Variants in DLX5 observed in about 807,000 individuals in gnomAD.
DLX5 encodes the protein homeobox protein DLX-5.
In DLX5, 8 loss-of-function variants were observed where a neutral mutation model predicts 27.1. The observed-to-expected ratio is 0.30, with a 90% CI of 0.17 to 0.53. The LOEUF is 0.53. Ranked by LOEUF, DLX5 falls within the 20% of genes least tolerant of loss-of-function variation. The pLI is 0.95. For missense variants in DLX5, 339 were observed against 375.1 expected, an observed-to-expected ratio of 0.90 and a Z score of 0.80; for synonymous variants, 178 against 161.9, an observed-to-expected ratio of 1.10 and a Z score of -0.75.
At position 97,022,350 on chromosome 7, in the gene DLX5, G is replaced by A; in HGVS notation, c.375C>T (p.Pro125=). The A allele has an allele frequency of 6.2e-6, 10 of 1,614,036 alleles. No homozygotes were observed. The highest frequency in any genetic ancestry group is 8.5e-6 in the Non-Finnish European group (10 of 1,180,032). ...TNQPEKEVTE[P]EVRMVNGKPK... is the part of the protein sequence containing the mutation. Reference sequence around the variant, plus strand: ...GTTTGCCATTCACCATTCTCACCTCGGGCTCGGTCACTTCTTTCTCTAAAT... The same window carrying A: ...GTTTGCCATTCACCATTCTCACCTCAGGCTCGGTCACTTCTTTCTCTAAAT... Residue 125 remains proline, a synonymous_variant, in exon 2 of 3, where the codon CCC becomes CCT. Transcript: ENST00000648378.
At chr7:97,022,134 A>C (rs768389833) in intron 2 of DLX5, 51 bp downstream of exon 2, 87 of 1,608,706 alleles carry the variant, frequency 5.4e-5, no homozygotes, top group Non-Finnish European at 7.4e-5. Context: ...CGCGCGACCC[A>C]ACCAGACGTG....
Position 97,024,173 on chromosome 7 carries a change from C to T in DLX5, c.355+96G>A. On this transcript the variant is annotated intron_variant, in intron 1 of 2. Coordinates refer to ENST00000648378, the MANE Select transcript of DLX5 (RefSeq NM_005221.6). The surrounding 1 kb of genome is among the most constrained non-coding windows in gnomAD (Gnocchi z 4.6). ...CCTTCTGCCGCGTGCGCCCCCACTG[C>T]CGTGAACCGCTGTGACCCCCAATCT... 8.2e-7 allele frequency: 1 copy of T among 1,223,126 alleles called. No homozygotes were observed. The highest frequency in any genetic ancestry group is 1.5e-5 in the African/African-American group (1 of 66,006). The allele number at this position is 1,223,126 out of a possible 1,614,324, so 75.8% of individuals were successfully genotyped here.
rs1052181268 is a variant in DLX5, at chr7:97,022,609, C to G, written c.356-240G>C. On this transcript the variant is annotated intron_variant, in intron 1 of 2. Transcript: ENST00000648378. ...TCAGATAGTTTGTGCAAAGCGCTTCCTACAACACTGCTTTCTCCTTGGCAT... is the reference window on the plus strand; with the variant it reads ...TCAGATAGTTTGTGCAAAGCGCTTCGTACAACACTGCTTTCTCCTTGGCAT... 2.9e-5 allele frequency: 29 copies of G among 985,246 alleles called. No homozygotes were observed. In the African/African-American group the frequency reaches 4.2e-4, roughly 14 times the overall value. 61.0% of individuals were successfully genotyped at this position (985,246 alleles called of 1,614,324 possible).
chr7:97,021,532 C>A (rs1790059115), intron 2 of DLX5, among the ~76,000 whole-genome samples: 1 of 152,198 alleles, frequency 6.6e-6, no homozygotes, highest in African/African-American at 2.4e-5. Flanking sequence ...CTACTCCCTT[C>A]ACTCCCTCTG....
chr7:97,024,607 T>C lies in DLX5; in HGVS notation c.17A>G (p.Asp6Gly). The C allele has an allele frequency of 1.3e-6, 2 of 1,599,352 alleles. No individual in the cohort carries two copies. Among genetic ancestry groups the C allele is most frequent in the Non-Finnish European group, 1.7e-6 (2 of 1,169,976 alleles). ...GGATCGGATGCTGGGGACCCTTCTG[T>C]CAAACACTCCTGTCATCGCTCACGG... MTGVF[D>G]RRVPSIRSGD... The change falls in exon 1 of 3, where the codon GAC becomes GGC. Residue 6 changes from aspartate to glycine, a missense_variant. Asp to Gly is a moderately conservative substitution (Grantham distance 94). This residue lies in a region of DLX5 where 188 missense variants were observed against 206.1 expected (regional missense o/e 0.91). Coordinates refer to ENST00000648378, the MANE Select transcript of DLX5 (RefSeq NM_005221.6). This position sits in a 1 kb window ranked among gnomAD's most constrained non-coding sequence, Gnocchi z 4.6.
Position 97,024,189 on chromosome 7 carries a change from C to T in DLX5, c.355+80G>A. 3 of 1,380,800 alleles carry T rather than the reference C, an allele frequency of 2.2e-6. No individual in the cohort carries two copies. Among genetic ancestry groups the T allele is most frequent in the Middle Eastern group, 2.2e-4 (1 of 4,454 alleles). 85.5% of individuals were successfully genotyped at this position (1,380,800 alleles called of 1,614,324 possible). ...CCCCCACTGCCGTGAACCGCTGTGACCCCCAATCTACCACCCCATCTCGCG... is the reference window on the plus strand; with the variant it reads ...CCCCCACTGCCGTGAACCGCTGTGATCCCCAATCTACCACCCCATCTCGCG... On this transcript the variant is annotated intron_variant, in intron 1 of 2. Coordinates refer to ENST00000648378, the MANE Select transcript of DLX5 (RefSeq NM_005221.6). This position sits in a 1 kb window ranked among gnomAD's most constrained non-coding sequence, Gnocchi z 4.6.
At position 97,024,138 on chromosome 7, in the gene DLX5, A is replaced by G; in HGVS notation, c.355+131T>C. The G allele has an allele frequency of 1.3e-6, 1 of 790,236 alleles. No individual in the cohort carries two copies. The highest frequency in any genetic ancestry group is 1.9e-5 in the South Asian group (1 of 53,412). 49.0% of individuals were successfully genotyped at this position (790,236 alleles called of 1,614,324 possible). A position where few individuals can be genotyped will look rare whatever the true frequency, so the allele number is the denominator to read the frequency against. ...GAAACTCTCTTTGTTGGAGGGTCTG[A>G]GTCCTACTCCCTTCTGCCGCGTGCG... On this transcript the variant is annotated intron_variant, in intron 1 of 2. Transcript: ENST00000648378. This position sits in a 1 kb window ranked among gnomAD's most constrained non-coding sequence, Gnocchi z 4.6.
In DLX5 at chr7:97,024,245, C is replaced by T. The variant is rs1452149065; in HGVS notation, c.355+24G>A. On this transcript the variant is annotated intron_variant, in intron 1 of 2. Coordinates refer to ENST00000648378, the MANE Select transcript of DLX5 (RefSeq NM_005221.6). This position sits in a 1 kb window ranked among gnomAD's most constrained non-coding sequence, Gnocchi z 4.6. ...AGCGTCCTAGTCGCCCTGTATCTGC[C>T]CAGCCTTCCCCCTGTCCATGTACCT... 1 of 1,599,542 alleles carries T rather than the reference C, an allele frequency of 6.3e-7. No individual in the cohort carries two copies. Among genetic ancestry groups the T allele is most frequent in the Non-Finnish European group, 8.5e-7 (1 of 1,171,640 alleles).
chr7:97,020,822 T>C lies in DLX5; in HGVS notation c.784A>G (p.Ser262Gly), dbSNP rs760947489. 1 of 1,614,012 alleles carries C rather than the reference T, an allele frequency of 6.2e-7. No homozygotes were observed. Among genetic ancestry groups the C allele is most frequent in the African/African-American group, 1.3e-5 (1 of 75,016 alleles). The stretch of plus-strand genomic sequence containing the variant: ...TGGGAATTGATTGAGCTGGCTGCAC[T>C]TGTGTACCAGGATGCAGAGTTCTCC... ...YLENSASWYT[S>G]AASSINSHLP... The change falls in exon 3 of 3, where the codon AGT (serine) becomes GGT (glycine). Residue 262 changes from serine (S) to glycine (G), a missense_variant. Around this residue, in one of 3 missense-constraint regions of DLX5, gnomAD observed 136 missense variants for 130.3 expected, o/e 1.04. Coordinates refer to ENST00000648378, the MANE Select transcript of DLX5 (RefSeq NM_005221.6).
At position 97,020,755 on chromosome 7, in the gene DLX5, G is replaced by A; in HGVS notation, c.851C>T (p.Ala284Val). 6.3e-7 allele frequency: 1 copy of A among 1,598,408 alleles called. No individual in the cohort carries two copies. Among genetic ancestry groups the A allele is most frequent in the Non-Finnish European group, 8.5e-7 (1 of 1,169,844 alleles). ...GCCCATCTAATAGAGTGTCCCGGAGGCCAGCGCCAGCGGGTGCTGTAAGGA... is the reference window on the plus strand; with the variant it reads ...GCCCATCTAATAGAGTGTCCCGGAGACCAGCGCCAGCGGGTGCTGTAAGGA... ...PGSLQHPLAL[A>V]SGTLY Residue 284 changes from alanine (A) to valine (V), a missense_variant, in exon 3 of 3, where the codon GCC becomes GTC. By Grantham distance (64) the Ala-to-Val change is moderately conservative. Transcript: ENST00000648378.
At chr7:97,021,291 G>A (rs1188381934) in intron 2 of DLX5, among the ~76,000 whole-genome samples, 1 of 152,204 alleles carries the variant, frequency 6.6e-6, no homozygotes, top group African/African-American at 2.4e-5. Context: ...GCCCAGCGAG[G>A]CCACGACCCC....
In DLX5 at chr7:97,024,035, A is replaced by T. The variant is rs1790132077; in HGVS notation, c.355+234T>A. Among the ~76,000 whole-genome samples the T allele has an allele frequency of 6.6e-6, 1 of 152,078 alleles. No homozygotes were observed. The highest frequency in any genetic ancestry group is 1.5e-5 in the Non-Finnish European group (1 of 68,006). ...GAATTCAGCGACTGAAGGGCCTTGG[A>T]AGGTGCCGGAGGGGAGAGACGCTAG... is the stretch of plus-strand genomic sequence containing the variant. On this transcript the variant is annotated intron_variant, in intron 1 of 2. Coordinates refer to ENST00000648378, the MANE Select transcript of DLX5 (RefSeq NM_005221.6). The surrounding 1 kb of genome is among the most constrained non-coding windows in gnomAD (Gnocchi z 4.6).
chr7:97,021,735 C>A (rs1328269532), intron 2 of DLX5, among the ~76,000 whole-genome samples: 2 of 152,184 alleles, frequency 1.3e-5, no homozygotes, highest in African/African-American at 4.8e-5. Flanking sequence ...AGGCTCAGGG[C>A]ACGACCCTTC....
chr7:97,023,638 TC>T (rs1790123299), intron 1 of DLX5, among the ~76,000 whole-genome samples: 2 of 151,560 alleles, frequency 1.3e-5, no homozygotes, highest in Admixed American at 6.6e-5. Context: ...GAAAAAAAAA[TC>T]TATCCTACAA....
chr7:97,021,543 C>A (rs924498531), intron 2 of DLX5, among the ~76,000 whole-genome samples: 1 of 152,242 alleles, frequency 6.6e-6, no homozygotes. Flanking sequence ...ACTCCCTCTG[C>A]AGCTCAGAGA....
At chr7:97,023,934 G>A (rs1790130240) in intron 1 of DLX5, among the ~76,000 whole-genome samples, 1 of 152,144 alleles carries the variant, frequency 6.6e-6, no homozygotes, top group Non-Finnish European at 1.5e-5. Flanking sequence ...GCAAACGCCA[G>A]GAGCTGCTTG....
chr7:97,022,672 G>A (rs1790095239), intron 1 of DLX5: 1 of 911,024 alleles, frequency 1.1e-6, no homozygotes, highest in Admixed American at 6.2e-5. Context: ...TTCTTCTCCC[G>A]GACTTGTTTT....
chr7:97,021,388 T>C (rs1429263397), intron 2 of DLX5, among the ~76,000 whole-genome samples: 1 of 152,058 alleles, frequency 6.6e-6, no homozygotes, highest in African/African-American at 2.4e-5. Flanking sequence ...GCGCGCCTCG[T>C]GTAAGCCTGC....
In DLX5 at chr7:97,020,863, G is replaced by A. The variant is rs770665967; in HGVS notation, c.743C>T (p.Pro248Leu). Reference protein sequence around the residue: ...HAHPPTSNQSPASSYLENSAS... With the variant: ...HAHPPTSNQSLASSYLENSAS... Reference sequence around the variant, plus strand: ...AGAGTTCTCCAGGTAGCTGGACGCTGGGGACTGGTTGGAGGTCGGAGGGTG... The same window carrying A: ...AGAGTTCTCCAGGTAGCTGGACGCTAGGGACTGGTTGGAGGTCGGAGGGTG... The change falls in exon 3 of 3, where the codon CCA becomes CTA. Residue 248 changes from proline to leucine, a missense_variant. Transcript: ENST00000648378. 6.2e-7 allele frequency: 1 copy of A among 1,614,182 alleles called. No individual in the cohort carries two copies. The highest frequency in any genetic ancestry group is 1.1e-5 in the South Asian group (1 of 91,080).
Sources: allele counts gnomAD v4.1 joint callset (sites outside exome capture counted in the v4.1 genomes callset), GRCh38; gene constraint gnomAD v4.1.1; regional missense constraint gnomAD v4.1.1; non-coding constraint Gnocchi (gnomAD v3.1); transcripts MANE v1.5; gene names NCBI Gene and HGNC (gene_info 2026-07-23, HGNC 2026-07-21).